EPAS1: variants seen among roughly 807,000 people sequenced by gnomAD.
The protein encoded by EPAS1 is endothelial PAS domain-containing protein 1.
Under a neutral mutation model 87.9 loss-of-function variants are expected in EPAS1, and 23 were observed. The observed-to-expected ratio is 0.26, with a 90% CI of 0.19 to 0.37. The LOEUF is 0.37. Among genes scored for constraint, EPAS1 ranks in the 10% least tolerant of loss-of-function variants. EPAS1 has a pLI of 1.00. For synonymous variants in EPAS1, 508 were observed against 444.3 expected (o/e 1.14, Z -1.80); for missense variants, 1,138 against 1,120.7 (o/e 1.02, Z -0.22).
At chr2:46,374,050 A>C (rs764461211) in intron 7 of EPAS1, among the ~76,000 whole-genome samples, 6 of 152,262 alleles carry the variant, frequency 3.9e-5, no homozygotes, top group Non-Finnish European at 8.8e-5. Context: ...AAACGAATTC[A>C]TCTTATCAGA....
At chr2:46,301,741 C>A (rs777450012) in intron 1 of EPAS1, among the ~76,000 whole-genome samples, 5 of 151,232 alleles carry the variant, frequency 3.3e-5, no homozygotes, top group Admixed American at 6.6e-5. Context: ...AACCGCTGAA[C>A]CTTATAGAAA....
In EPAS1 at chr2:46,356,145, T is replaced by A; in HGVS notation, c.218-6T>A. Reference sequence around the variant, plus strand: ...TGCAAGCTGTCCCACCCCCCCCCCTTTCCAGTTTGCTCTGAAAACGAGTCC... The same window carrying A: ...TGCAAGCTGTCCCACCCCCCCCCCTATCCAGTTTGCTCTGAAAACGAGTCC... On this transcript the variant is annotated splice_polypyrimidine_tract_variant and splice_region_variant and intron_variant, in intron 2 of 15. Coordinates refer to ENST00000263734, the MANE Select transcript of EPAS1 (RefSeq NM_001430.5). The A allele has an allele frequency of 4.6e-6, 4 of 862,222 alleles. No homozygotes were observed. The highest frequency in any genetic ancestry group is 5.4e-6 in the Non-Finnish European group (3 of 554,026). The allele number at this position is 862,222 out of a possible 1,614,324, so 53.4% of individuals were successfully genotyped here. A position where few individuals can be genotyped will look rare whatever the true frequency, so the allele number is the denominator to read the frequency against.
intron 1 of EPAS1, among the ~76,000 whole-genome samples, chr2:46,333,299 T>G (rs1338376676): frequency 6.6e-6 from 1 of 152,170 alleles, no homozygotes. Context: ...AGTAAGGTAC[T>G]TTGATACATG....
chr2:46,316,038 C>T (rs1683309521), intron 1 of EPAS1, among the ~76,000 whole-genome samples: 1 of 152,224 alleles, frequency 6.6e-6, no homozygotes, highest in Non-Finnish European at 1.5e-5. Context: ...GAGATAACCA[C>T]TGTTAACTCT....
chr2:46,339,480 T>A (rs1486274415), intron 1 of EPAS1, among the ~76,000 whole-genome samples: 1 of 152,226 alleles, frequency 6.6e-6, no homozygotes, highest in Non-Finnish European at 1.5e-5. Flanking sequence ...TCCCATTACC[T>A]TTCTAAACCT....
chr2:46,313,481 C>G (rs1223445871), intron 1 of EPAS1, among the ~76,000 whole-genome samples: 3 of 148,808 alleles, frequency 2.0e-5, no homozygotes. Context: ...GAGACAGTGT[C>G]TCACTCTGTC....
chr2:46,337,906 C>G (rs1198559199), intron 1 of EPAS1, among the ~76,000 whole-genome samples: 1 of 152,064 alleles, frequency 6.6e-6, no homozygotes, highest in African/African-American at 2.4e-5. Flanking sequence ...TGAGAACTAT[C>G]CCAAGGGGGC....
rs777430344 is a variant in EPAS1, at chr2:46,356,312, T to G, written c.369+10T>G. ...CATGGGACTTACACAGGTGACACCC[T>G]CCTCTATCTCTTTCAAAAGAAGAAA... On this transcript the variant is annotated intron_variant, in intron 3 of 15. Coordinates refer to ENST00000263734, the MANE Select transcript of EPAS1 (RefSeq NM_001430.5). 1.2e-6 allele frequency: 2 copies of G among 1,614,030 alleles called. No individual in the cohort carries two copies. Among genetic ancestry groups the G allele is most frequent in the South Asian group, 2.2e-5 (2 of 91,070 alleles).
At chr2:46,327,925 C>A (rs1306967688) in intron 1 of EPAS1, among the ~76,000 whole-genome samples, 2 of 152,180 alleles carry the variant, frequency 1.3e-5, no homozygotes, top group African/African-American at 4.8e-5. Flanking sequence ...CCTGAGCCAG[C>A]CCTCTATCAA....
rs1215736789 is a variant in EPAS1 at position 46,371,621 on chromosome 2, C to T, written c.886+1688C>T. 6.6e-6 allele frequency among the ~76,000 whole-genome samples: 1 copy of T among 152,198 alleles called. No homozygotes were observed. The highest frequency in any genetic ancestry group is 6.5e-5 in the Admixed American group (1 of 15,286). ...AGCTTTGAAATTGTAACATCTGGTT[C>T]CAGCCTTCCCTTTGGGATTCCTTCA... is the stretch of plus-strand genomic sequence containing the variant. On this transcript the variant is annotated intron_variant, in intron 7 of 15. Coordinates refer to ENST00000263734, the MANE Select transcript of EPAS1 (RefSeq NM_001430.5). This position sits in a 1 kb window ranked among gnomAD's most constrained non-coding sequence, Gnocchi z 4.3.
rs905415842 is a variant in EPAS1 at position 46,300,654 on chromosome 2, GA to G, written c.26+2724del. ...AGGAATGCCTGAGTCCTTTCACTGGGAAAAAAATGTGGAAATTCTGGGATTC... is the reference window on the plus strand; with the variant it reads ...AGGAATGCCTGAGTCCTTTCACTGGGAAAAAATGTGGAAATTCTGGGATTC... On this transcript the variant is annotated intron_variant, in intron 1 of 15. Transcript: ENST00000263734. This position sits in a 1 kb window ranked among gnomAD's most constrained non-coding sequence, Gnocchi z 4.1. 2.0e-5 allele frequency among the ~76,000 whole-genome samples: 3 copies of G among 152,100 alleles called. No individual in the cohort carries two copies. The highest frequency in any genetic ancestry group is 2.9e-5 in the Non-Finnish European group (2 of 67,988).
rs756784723 is a variant in EPAS1 at position 46,356,134 on chromosome 2, C to CT, written c.218-17_218-16insT. 10 of 899,796 alleles carry CT rather than the reference C, an allele frequency of 1.1e-5. No homozygotes were observed. The highest frequency in any genetic ancestry group is 2.7e-5 in the Admixed American group (1 of 37,408). 55.7% of individuals were successfully genotyped at this position (899,796 alleles called of 1,614,324 possible). On this transcript the variant is annotated splice_polypyrimidine_tract_variant and intron_variant, in intron 2 of 15. Transcript: ENST00000263734. ...CTCCACATTCATGCAAGCTGTCCCA[C>CT]CCCCCCCCCTTTCCAGTTTGCTCTG...
At chr2:46,327,633 C>T (rs772932084) in intron 1 of EPAS1, among the ~76,000 whole-genome samples, 21 of 152,278 alleles carry the variant, frequency 1.4e-4, no homozygotes, top group Middle Eastern at 3.4e-3. Context: ...TGTCTAAAAC[C>T]GGTAGTGTGG....
At chr2:46,332,893 A>G (rs1193613805) in intron 1 of EPAS1, among the ~76,000 whole-genome samples, 1 of 151,152 alleles carries the variant, frequency 6.6e-6, no homozygotes, top group African/African-American at 2.4e-5. Flanking sequence ...TGAGGCAGAA[A>G]CCTCCCTGGC....
intron 3 of EPAS1, 108 bp downstream of exon 3, chr2:46,356,410 C>G: frequency 7.1e-7 from 1 of 1,405,478 alleles, no homozygotes; most frequent in Admixed American, 1.8e-5. Context: ...CTGCAAATGC[C>G]CACGGTGACC....
At position 46,375,962 on chromosome 2, in the gene EPAS1, G is replaced by T; in HGVS notation, c.1034+125G>T. On this transcript the variant is annotated intron_variant, in intron 8 of 15. Transcript: ENST00000263734. This position sits in a 1 kb window ranked among gnomAD's most constrained non-coding sequence, Gnocchi z 4.1. ...AGCGCCCTGGGCACCACCTCAGGGA[G>T]GTCTTGCAGGGCTAACCCTAGTGAC... 1 of 1,275,822 alleles carries T rather than the reference G, an allele frequency of 7.8e-7. No homozygotes were observed. The highest frequency in any genetic ancestry group is 2.3e-5 in the East Asian group (1 of 43,068). The allele number at this position is 1,275,822 out of a possible 1,614,324, so 79.0% of individuals were successfully genotyped here. A position where few individuals can be genotyped will look rare whatever the true frequency, so the allele number is the denominator to read the frequency against.
Position 46,346,648 on chromosome 2 carries a change from G to A in EPAS1, c.27-225G>A, listed in dbSNP as rs1271223502. Among the ~76,000 whole-genome samples, 1 of 152,188 alleles carries A rather than the reference G, an allele frequency of 6.6e-6. No individual in the cohort carries two copies. The highest frequency in any genetic ancestry group is 1.5e-5 in the Non-Finnish European group (1 of 68,046). On this transcript the variant is annotated intron_variant, in intron 1 of 15. Coordinates refer to ENST00000263734, the MANE Select transcript of EPAS1 (RefSeq NM_001430.5). This position sits in a 1 kb window ranked among gnomAD's most constrained non-coding sequence, Gnocchi z 4.0. ...TGAAGCCCTGTTCTGGCCTCCACAGGGAATGCAAGAGGAGGACTTTGGTTG... is the reference window on the plus strand; with the variant it reads ...TGAAGCCCTGTTCTGGCCTCCACAGAGAATGCAAGAGGAGGACTTTGGTTG...
intron 6 of EPAS1, among the ~76,000 whole-genome samples, chr2:46,367,330 G>T (rs1479567736): frequency 6.6e-6 from 1 of 152,230 alleles, no homozygotes; most frequent in East Asian, 1.9e-4. Flanking sequence ...GCTCATTTTG[G>T]AGGGTCTCTA....
At position 46,380,208 on chromosome 2, in the gene EPAS1, C is replaced by CGGTGCT; in HGVS notation, c.1555-17_1555-12dup. Reference sequence around the variant, plus strand: ...CGTACCAACCCCCTTGCCTCTTTGCCGGTGCTGTCTCCCCTCAGACGGATT... The same window carrying CGGTGCT: ...CGTACCAACCCCCTTGCCTCTTTGCCGGTGCTGGTGCTGTCTCCCCTCAGACGGATT... On this transcript the variant is annotated intron_variant, in intron 11 of 15. Coordinates refer to ENST00000263734, the MANE Select transcript of EPAS1 (RefSeq NM_001430.5). This position sits in a 1 kb window ranked among gnomAD's most constrained non-coding sequence, Gnocchi z 4.4. The CGGTGCT allele has an allele frequency of 6.2e-7, 1 of 1,606,350 alleles. No individual in the cohort carries two copies. The highest frequency in any genetic ancestry group is 8.5e-7 in the Non-Finnish European group (1 of 1,179,954).
Sources: allele counts gnomAD v4.1 joint callset (sites outside exome capture counted in the v4.1 genomes callset), GRCh38; gene constraint gnomAD v4.1.1; non-coding constraint Gnocchi (gnomAD v3.1); transcripts MANE v1.5; gene names NCBI Gene and HGNC (gene_info 2026-07-23, HGNC 2026-07-21).